The following RANBP17 variants were observed in gnomAD, a reference collection of about 807,000 sequenced individuals.
The protein encoded by RANBP17 is RAN binding protein 17, also known as ran-binding protein 17.
A neutral mutation model predicts 141.2 loss-of-function variants in RANBP17; 158 were observed. The observed-to-expected ratio is 1.12, with a 90% confidence interval of 0.98 to 1.28. The LOEUF is 1.28. Ranked by LOEUF, RANBP17 falls within the 50% of genes most tolerant of loss-of-function variation. The pLI is 0.00. For synonymous variants in RANBP17, 430 were observed against 450.0 expected, an observed-to-expected ratio of 0.96 and a Z score of 0.56; for missense variants, 1,438 against 1,290.7, an observed-to-expected ratio of 1.11 and a Z score of -1.75.
chr5:170,950,216 A>G (rs1410866502), intron 12 of RANBP17, among the ~76,000 whole-genome samples: 1 of 152,180 alleles, frequency 6.6e-6, no homozygotes, highest in African/African-American at 2.4e-5. Context: ...AGCACAGGCA[A>G]CAAACATAAA....
chr5:171,129,121 AAGGTT>A (rs1756716008), intron 14 of RANBP17, among the ~76,000 whole-genome samples: 1 of 152,146 alleles, frequency 6.6e-6, no homozygotes, highest in Admixed American at 6.5e-5. Context: ...TGGTGTCTTA[AAGGTT>A]TTTAAAATCC....
At chr5:171,126,227 T>G (rs988761138) in intron 14 of RANBP17, among the ~76,000 whole-genome samples, 3 of 152,110 alleles carry the variant, frequency 2.0e-5, no homozygotes, top group Non-Finnish European at 4.4e-5. Context: ...AACCACTGGG[T>G]CAGTGGATAA....
Position 170,911,041 on chromosome 5 carries a change from C to T in RANBP17, c.667C>T (p.Leu223Phe), listed in dbSNP as rs756797511. Residue 223 changes from leucine (L) to phenylalanine (F), a missense_variant, in exon 7 of 28, where the codon CTT becomes TTT. Coordinates refer to ENST00000523189, the MANE Select transcript of RANBP17 (RefSeq NM_022897.5). The part of the protein sequence containing the change: ...NLVMQVLKLV[L>F]NCLNFDFIGS... ...GGTAATGCAGGTCTTGAAACTGGTC[C>T]TTAACTGCCTTAACTTTGACTTCAT... 4 of 1,612,146 alleles carry T rather than the reference C, an allele frequency of 2.5e-6. No individual in the cohort carries two copies. The South Asian group carries it at 4.4e-5, about 18-fold the overall frequency.
At chr5:170,983,202 C>A in intron 14 of RANBP17, 1 of 425,076 alleles carries the variant, frequency 2.4e-6, no homozygotes, top group Non-Finnish European at 4.4e-6. Context: ...ACAGCTGTGC[C>A]TCAGGCCTTG....
chr5:171,296,774 A>G (rs1355602973), intron 27 of RANBP17, among the ~76,000 whole-genome samples: 1 of 152,140 alleles, frequency 6.6e-6, no homozygotes. Context: ...TTAGCTGGGC[A>G]TGGTGGCACG....
chr5:170,933,947 G>C (rs1257074666), intron 12 of RANBP17, among the ~76,000 whole-genome samples: 1 of 152,266 alleles, frequency 6.6e-6, no homozygotes, highest in African/African-American at 2.4e-5. Flanking sequence ...GTGCAGAGCT[G>C]AGTTCAATTC....
chr5:171,019,237 T>C (rs1437514834), intron 14 of RANBP17, among the ~76,000 whole-genome samples: 1 of 151,998 alleles, frequency 6.6e-6, no homozygotes, highest in African/African-American at 2.4e-5. Flanking sequence ...TCATGTGTCT[T>C]CCCGGCTTTG....
intron 14 of RANBP17, among the ~76,000 whole-genome samples, chr5:171,064,155 G>A (rs1442209352): frequency 6.6e-6 from 1 of 152,214 alleles, no homozygotes. Context: ...CTCACACACG[G>A]TGCGCTGCAC....
rs142611657 is a variant in RANBP17, at chr5:171,021,605, T to A, written c.1710+53228T>A. ...TGCTTCACGAAGTTCTCCTGCTGTGTTATTCAGCTCCATCAGGTCATTTAT... is the reference window on the plus strand; with the variant it reads ...TGCTTCACGAAGTTCTCCTGCTGTGATATTCAGCTCCATCAGGTCATTTAT... On this transcript the variant is annotated intron_variant, in intron 14 of 27. Transcript: ENST00000523189. Among the ~76,000 whole-genome samples the A allele has an allele frequency of 4.1e-3, 618 of 152,352 alleles. 5 individuals carry two copies. Among genetic ancestry groups the A allele is most frequent in the African/African-American group, 0.014 (596 of 41,588 alleles).
At chr5:171,116,513 G>A (rs1042134076) in intron 14 of RANBP17, among the ~76,000 whole-genome samples, 3 of 151,988 alleles carry the variant, frequency 2.0e-5, no homozygotes, top group East Asian at 1.9e-4. Flanking sequence ...TTTAAAATTC[G>A]TTTTTCTCAT....
At chr5:170,911,357 TG>T (rs1771512326) in intron 7 of RANBP17, 2 of 572,860 alleles carry the variant, frequency 3.5e-6, no homozygotes, top group African/African-American at 3.8e-5. Context: ...AAACAAGGAC[TG>T]CACTAGAGCT....
At chr5:171,168,240 C>T (rs1171135027) in intron 14 of RANBP17, among the ~76,000 whole-genome samples, 5 of 152,024 alleles carry the variant, frequency 3.3e-5, no homozygotes, top group African/African-American at 9.7e-5. Context: ...ACTCACTGTG[C>T]CTAGGAAGCC....
intron 12 of RANBP17, among the ~76,000 whole-genome samples, chr5:170,928,769 CCT>C (rs1028518453): frequency 2.2e-5 from 2 of 91,620 alleles, no homozygotes; most frequent in African/African-American, 5.9e-5. Flanking sequence ...AATTATTTAA[CCT>C]TTTTTTTTTT....
intron 14 of RANBP17, among the ~76,000 whole-genome samples, chr5:170,994,375 G>A (rs937885874): frequency 1.3e-5 from 2 of 152,072 alleles, no homozygotes; most frequent in Non-Finnish European, 2.9e-5. Context: ...GATTGTAGGA[G>A]AATCCAAGAT....
intron 12 of RANBP17, among the ~76,000 whole-genome samples, chr5:170,942,363 A>G (rs1774397264): frequency 6.6e-6 from 1 of 152,200 alleles, no homozygotes; most frequent in Admixed American, 6.5e-5. Flanking sequence ...AACAGCTCAG[A>G]TGCTCATCAA....
rs564310290 is a variant in RANBP17 at position 171,207,888 on chromosome 5, T to C, written c.2231+2276T>C. On this transcript the variant is annotated intron_variant, in intron 20 of 27. Coordinates refer to ENST00000523189, the MANE Select transcript of RANBP17 (RefSeq NM_022897.5). ...TAATTCAAAAAGCTTTATTAAAATA[T>C]TTTGAAATACTTTAAGCAGTTTCAG... 5 of 152,342 alleles carry C rather than the reference T, an allele frequency of 3.3e-5. No individual in the cohort carries two copies. The South Asian group carries it at 1.0e-3, about 32-fold the overall frequency. The allele number at this position is 152,342 out of a possible 1,614,324, so 9.4% of individuals were successfully genotyped here. A position where few individuals can be genotyped will look rare whatever the true frequency, so the allele number is the denominator to read the frequency against.
At chr5:170,961,661 A>G (rs1776156569) in intron 13 of RANBP17, among the ~76,000 whole-genome samples, 2 of 152,184 alleles carry the variant, frequency 1.3e-5, no homozygotes, top group African/African-American at 4.8e-5. Context: ...CTCAGATGGT[A>G]AGTATAATGC....
chr5:170,977,387 AC>A (rs1441084567), intron 14 of RANBP17, among the ~76,000 whole-genome samples: 13 of 152,212 alleles, frequency 8.5e-5, no homozygotes, highest in African/African-American at 3.1e-4. Context: ...ATCTTCATAC[AC>A]TGTTGCAAGG....
Position 171,205,550 on chromosome 5 carries a change from T to A in RANBP17, c.2169T>A (p.Asp723Glu). The A allele has an allele frequency of 6.2e-7, 1 of 1,613,988 alleles. No individual in the cohort carries two copies. Among genetic ancestry groups the A allele is most frequent in the Non-Finnish European group, 8.5e-7 (1 of 1,179,930 alleles). Residue 723 changes from aspartate to glutamate, a missense_variant, in exon 20 of 28, where the codon GAT becomes GAA. Transcript: ENST00000523189. ...GTATGTTGATCGGGCTGGCAAGAGATCTTCGAGGGATTGCCTTTGCACTGA... is the reference window on the plus strand; with the variant it reads ...GTATGTTGATCGGGCTGGCAAGAGAACTTCGAGGGATTGCCTTTGCACTGA... The part of the protein sequence containing the change: ...VKRMLIGLAR[D>E]LRGIAFALNT...
Sources: allele counts gnomAD v4.1 joint callset (sites outside exome capture counted in the v4.1 genomes callset), GRCh38; gene constraint gnomAD v4.1.1; transcripts MANE v1.5; gene names NCBI Gene and HGNC (gene_info 2026-07-23, HGNC 2026-07-21).